Variants in BCAR3 observed in about 807,000 individuals in gnomAD.
The protein encoded by BCAR3 is BCAR3 adaptor protein, NSP family member, also known as breast cancer anti-estrogen resistance protein 3.
In BCAR3, 37 loss-of-function variants were observed where a neutral mutation model predicts 80.1. The ratio of observed to expected loss-of-function variants is 0.46; its 90% CI spans 0.36 to 0.61. BCAR3 has a LOEUF of 0.61. Among genes scored for constraint, BCAR3 ranks in the 20% least tolerant of loss-of-function variants. The pLI is 0.00. For synonymous variants in BCAR3, 389 were observed against 418.9 expected, an observed-to-expected ratio of 0.93 and a Z score of 0.87; for missense variants, 978 against 1,068.2, an observed-to-expected ratio of 0.92 and a Z score of 1.18.
chr1:93,728,856 G>A (rs1053875875), intron 2 of BCAR3, among the ~76,000 whole-genome samples: 3 of 152,028 alleles, frequency 2.0e-5, no homozygotes, highest in Admixed American at 6.6e-5. Context: ...ATGGGGGCGC[G>A]GCAGGCCAGG....
chr1:93,760,814 C>A (rs1386562067), intron 2 of BCAR3, among the ~76,000 whole-genome samples: 1 of 152,104 alleles, frequency 6.6e-6, no homozygotes, highest in East Asian at 1.9e-4. Context: ...CTCTGATTGG[C>A]CAGGCCTTGG....
At position 93,573,025 on chromosome 1, in the gene BCAR3, C is replaced by CCTAA. The variant is rs1280094147; in HGVS notation, c.1803-1188_1803-1185dup. Reference sequence around the variant, plus strand: ...CTTGCAGTGTAAGCTTGGGCTGGTACCTAACTGCTCCACTCCTCAGGTTCT... The same window carrying CCTAA: ...CTTGCAGTGTAAGCTTGGGCTGGTACCTAACTAACTGCTCCACTCCTCAGGTTCT... On this transcript the variant is annotated intron_variant, in intron 8 of 11. Transcript: ENST00000260502. Among the ~76,000 whole-genome samples the CCTAA allele has an allele frequency of 3.9e-5, 6 of 152,176 alleles. No individual in the cohort carries two copies. In the South Asian group the frequency reaches 1.0e-3, roughly 26 times the overall value.
intron 2 of BCAR3, among the ~76,000 whole-genome samples, chr1:93,780,307 C>G (rs767774062): frequency 2.6e-5 from 4 of 152,138 alleles, no homozygotes; most frequent in African/African-American, 4.8e-5. Context: ...CTTTTCCTAC[C>G]AAATCCTGGT....
chr1:93,720,400 T>C (rs912925827), intron 2 of BCAR3: 2 of 152,276 alleles, frequency 1.3e-5, no homozygotes, highest in African/African-American at 4.8e-5. Flanking sequence ...TTCCTGGCTG[T>C]GTGCTCTTGG....
At chr1:93,587,226 A>T (rs1673981871) in intron 5 of BCAR3, among the ~76,000 whole-genome samples, 1 of 152,156 alleles carries the variant, frequency 6.6e-6, no homozygotes, top group Admixed American at 6.5e-5. Flanking sequence ...GGGTTGTGCC[A>T]TGTTGCCCAA....
At chr1:93,686,676 T>A (rs1213591089), upstream of BCAR3, among the ~76,000 whole-genome samples, 1 of 152,174 alleles carries the variant, frequency 6.6e-6, no homozygotes, top group African/African-American at 2.4e-5. Context: ...GGAGGAGAAT[T>A]ATCAAAGGTC....
intron 3 of BCAR3, among the ~76,000 whole-genome samples, chr1:93,631,749 C>G (rs1029574581): frequency 2.6e-5 from 4 of 152,204 alleles, no homozygotes; most frequent in Non-Finnish European, 5.9e-5. Context: ...GCACAGAATA[C>G]AAATTCACAC....
intron 3 of BCAR3, chr1:93,598,956 AG>A (rs1306404381): frequency 6.6e-6 from 1 of 152,112 alleles, no homozygotes; most frequent in East Asian, 1.9e-4. Context: ...TCTGGCTAGG[AG>A]GAGAGGGCTA....
At chr1:93,698,240 C>CA (rs139589101) in intron 3 of BCAR3, among the ~76,000 whole-genome samples, 2,404 of 152,318 alleles carry the variant, frequency 0.016, 29 homozygotes, top group Non-Finnish European at 0.024. Flanking sequence ...GCACCTGTAT[C>CA]ACAAGCTGTG....
chr1:93,740,260 C>T (rs909582994), intron 2 of BCAR3, among the ~76,000 whole-genome samples: 18 of 152,202 alleles, frequency 1.2e-4, no homozygotes, highest in Non-Finnish European at 1.2e-4. Flanking sequence ...GGAAACTCAG[C>T]ATGTCCACAG....
intron 3 of BCAR3, among the ~76,000 whole-genome samples, chr1:93,619,774 A>C (rs760917193): frequency 2.0e-5 from 3 of 152,202 alleles, no homozygotes; most frequent in Non-Finnish European, 2.9e-5. Flanking sequence ...GCACCTCTGC[A>C]AAATGGCATC....
At chr1:93,717,762 G>A (rs917502619) in intron 2 of BCAR3, among the ~76,000 whole-genome samples, 4 of 151,640 alleles carry the variant, frequency 2.6e-5, no homozygotes, top group African/African-American at 7.3e-5. Flanking sequence ...AGAACTGTGC[G>A]CAACCAGATT....
At chr1:93,754,462 T>C (rs1347040048) in intron 2 of BCAR3, 2 of 152,234 alleles carry the variant, frequency 1.3e-5, no homozygotes, top group Non-Finnish European at 2.9e-5. Context: ...GCTTGCATAA[T>C]ATGGTTTGAC....
chr1:93,697,140 G>T (rs1649441095), intron 3 of BCAR3, among the ~76,000 whole-genome samples: 1 of 152,246 alleles, frequency 6.6e-6, no homozygotes, highest in African/African-American at 2.4e-5. Flanking sequence ...TATTGGCAAA[G>T]CTACCAGAAA....
At chr1:93,636,286 T>C (rs1675776432) in intron 3 of BCAR3, among the ~76,000 whole-genome samples, 1 of 152,228 alleles carries the variant, frequency 6.6e-6, no homozygotes, top group Non-Finnish European at 1.5e-5. Context: ...CCTTGTCCTT[T>C]CTTCTCCTAA....
At chr1:93,768,063 G>A (rs559890911) in intron 2 of BCAR3, among the ~76,000 whole-genome samples, 3 of 152,288 alleles carry the variant, frequency 2.0e-5, no homozygotes, top group South Asian at 2.1e-4. Context: ...AGGCTTTGCC[G>A]AGGTACACTT....
chr1:93,838,560 C>G (rs1654848203), intron 2 of BCAR3, among the ~76,000 whole-genome samples: 1 of 152,162 alleles, frequency 6.6e-6, no homozygotes, highest in Admixed American at 6.5e-5. Context: ...TCTATGCAAA[C>G]CATAGCACCT....
chr1:93,796,535 A>T (rs954658205), intron 2 of BCAR3, among the ~76,000 whole-genome samples: 1 of 150,504 alleles, frequency 6.6e-6, no homozygotes, highest in Non-Finnish European at 1.5e-5. Flanking sequence ...GCGCGCACAC[A>T]CTGGCCTGCG....
intron 8 of BCAR3, among the ~76,000 whole-genome samples, chr1:93,574,599 A>AAAAT (rs1673371605): frequency 6.6e-6 from 1 of 152,190 alleles, no homozygotes; most frequent in African/African-American, 2.4e-5. Context: ...TGATACTAAG[A>AAAAT]AAATAGGGCT....
Sources: allele counts gnomAD v4.1 joint callset (sites outside exome capture counted in the v4.1 genomes callset), GRCh38; gene constraint gnomAD v4.1.1; transcripts MANE v1.5; gene names NCBI Gene and HGNC (gene_info 2026-07-23, HGNC 2026-07-21).